VWA8: variants seen among roughly 807,000 people sequenced by gnomAD.
VWA8 encodes the protein von Willebrand factor A domain containing 8, also known as von Willebrand factor A domain-containing protein 8.
VWA8 carries 221 observed loss-of-function variants against 241.5 expected under a neutral mutation model. The observed-to-expected ratio is 0.91, with a 90% confidence interval of 0.82 to 1.02. The LOEUF is 1.02. Ranked by LOEUF, VWA8 falls within the 50% of genes least tolerant of loss-of-function variation. VWA8 has a pLI of 0.00. For missense variants in VWA8, 2,322 were observed against 2,328.7 expected (o/e 1.00, Z 0.06); for synonymous variants, 852 against 827.1 (o/e 1.03, Z -0.52).
chr13:41,856,959 A>C (rs1872780090), intron 12 of VWA8, among the ~76,000 whole-genome samples: 2 of 152,094 alleles, frequency 1.3e-5, no homozygotes, highest in South Asian at 4.1e-4. Flanking sequence ...AGAATAATAG[A>C]CAGGTGTTTT....
intron 20 of VWA8, among the ~76,000 whole-genome samples, chr13:41,776,954 AAAAG>A (rs1327434176): frequency 1.3e-5 from 2 of 152,190 alleles, no homozygotes; most frequent in South Asian, 4.1e-4. Context: ...ATAAATACAA[AAAAG>A]AAGAAAAAAT....
At chr13:41,717,955 T>G (rs1004936220) in intron 26 of VWA8, among the ~76,000 whole-genome samples, 4 of 152,096 alleles carry the variant, frequency 2.6e-5, no homozygotes, top group Non-Finnish European at 5.9e-5. Context: ...AGAGTTAGAA[T>G]TAACTTGCCA....
At chr13:41,687,281 G>A (rs1410938408) in intron 34 of VWA8, among the ~76,000 whole-genome samples, 2 of 152,028 alleles carry the variant, frequency 1.3e-5, no homozygotes, top group Non-Finnish European at 1.5e-5. Context: ...GTAACAGTGG[G>A]CAACCTTGTT....
intron 31 of VWA8, 66 bp from the exon 32 acceptor site, chr13:41,691,511 A>C: frequency 6.4e-7 from 1 of 1,568,604 alleles, no homozygotes; most frequent in Non-Finnish European, 8.7e-7. Flanking sequence ...ATCTGGCATA[A>C]TCATTTCATG....
chr13:41,605,165 T>A lies in VWA8; in HGVS notation c.4986+3A>T. 1 of 1,612,386 alleles carries A rather than the reference T, an allele frequency of 6.2e-7. No individual in the cohort carries two copies. Among genetic ancestry groups the A allele is most frequent in the Non-Finnish European group, 8.5e-7 (1 of 1,178,732 alleles). Reference sequence around the variant, plus strand: ...TTTTCTTGGTCCATAAGTAGAAGATTACCTGTAAATTATCCAGGATGATTC... The same window carrying A: ...TTTTCTTGGTCCATAAGTAGAAGATAACCTGTAAATTATCCAGGATGATTC... On this transcript the variant is annotated splice_donor_region_variant and intron_variant, in intron 40 of 44. Transcript: ENST00000379310.
intron 37 of VWA8, among the ~76,000 whole-genome samples, chr13:41,656,441 T>C (rs991395098): frequency 2.6e-5 from 4 of 152,174 alleles, no homozygotes; most frequent in Admixed American, 2.0e-4. Flanking sequence ...GCTCTTTTTC[T>C]TGGGGGGTAA....
At chr13:41,790,842 G>A (rs1167145663) in intron 17 of VWA8, among the ~76,000 whole-genome samples, 1 of 151,886 alleles carries the variant, frequency 6.6e-6, no homozygotes, top group Non-Finnish European at 1.5e-5. Context: ...TATAGGGTAT[G>A]AGGATGAGGT....
chr13:41,846,101 C>T (rs1415937300), intron 12 of VWA8, among the ~76,000 whole-genome samples: 1 of 149,910 alleles, frequency 6.7e-6, no homozygotes, highest in Non-Finnish European at 1.5e-5. Context: ...GCTAACTATT[C>T]ATAAGCACTA....
intron 39 of VWA8, among the ~76,000 whole-genome samples, chr13:41,610,341 TC>T (rs2044579334): frequency 6.6e-6 from 1 of 152,180 alleles, no homozygotes; most frequent in Admixed American, 6.5e-5. Context: ...TCTCATAACC[TC>T]CCTGGGAGAA....
intron 41 of VWA8, among the ~76,000 whole-genome samples, chr13:41,588,579 A>G (rs112189012): frequency 0.027 from 4,167 of 152,158 alleles, 78 homozygotes; most frequent in Admixed American, 0.059. Context: ...CAAATCAGCT[A>G]GGGTGGTGCT....
chr13:41,808,027 C>T (rs758824640), intron 17 of VWA8: 4 of 152,072 alleles, frequency 2.6e-5, no homozygotes, highest in African/African-American at 4.8e-5. Flanking sequence ...TATTCCATGT[C>T]AAATGAAACA....
At chr13:41,658,093 C>T (rs2044921759) in intron 37 of VWA8, among the ~76,000 whole-genome samples, 3 of 152,182 alleles carry the variant, frequency 2.0e-5, no homozygotes, top group African/African-American at 7.2e-5. Flanking sequence ...TAAGAGGCTA[C>T]TAAGCTATAC....
At position 41,689,490 on chromosome 13, in the gene VWA8, G is replaced by A; in HGVS notation, c.3995C>T (p.Pro1332Leu). Residue 1332 changes from proline (P) to leucine (L), a missense_variant, in exon 34 of 45, where the codon CCT (proline) becomes CTT (leucine). By Grantham distance (98) the Pro-to-Leu change is moderately conservative. Transcript: ENST00000379310. ...GVTQETEFSI[P>L]HKISSDQLSS... ...TAGTTGATCACTGGAAATTTTATGA[G>A]GTATGCTGAACTCTGTTTCTGAAAA... The A allele has an allele frequency of 2.5e-6, 4 of 1,609,562 alleles. No individual in the cohort carries two copies. Among genetic ancestry groups the A allele is most frequent in the Non-Finnish European group, 3.4e-6 (4 of 1,178,220 alleles).
chr13:41,811,396 C>G, intron 16 of VWA8, 56 bp from the exon 17 acceptor site: 15 of 1,403,566 alleles, frequency 1.1e-5, no homozygotes, highest in Non-Finnish European at 1.5e-5. Flanking sequence ...GCTAAAGTCC[C>G]TTTAGATGGA....
chr13:41,855,454 C>T (rs990370215), intron 12 of VWA8, among the ~76,000 whole-genome samples: 2 of 148,270 alleles, frequency 1.3e-5, no homozygotes, highest in African/African-American at 2.5e-5. Flanking sequence ...AAGAGAAATA[C>T]TGATATAAAC....
chr13:41,738,579 AGTTGT>A (rs2045543290), intron 21 of VWA8, among the ~76,000 whole-genome samples: 1 of 152,208 alleles, frequency 6.6e-6, no homozygotes, highest in Non-Finnish European at 1.5e-5. Context: ...AAATTTTCTA[AGTTGT>A]CCACTGTTTA....
chr13:41,914,687 C>A (rs570487641), intron 2 of VWA8, among the ~76,000 whole-genome samples: 31 of 152,266 alleles, frequency 2.0e-4, no homozygotes, highest in Non-Finnish European at 3.8e-4. Flanking sequence ...TTTACATTTT[C>A]ATAAATCTCA....
chr13:41,785,696 C>G (rs1326683250), intron 18 of VWA8, among the ~76,000 whole-genome samples: 1 of 152,094 alleles, frequency 6.6e-6, no homozygotes, highest in Non-Finnish European at 1.5e-5. Flanking sequence ...TTGCCATTTT[C>G]CTTTTGTTTA....
intron 2 of VWA8, among the ~76,000 whole-genome samples, chr13:41,941,828 A>C (rs1877616227): frequency 2.0e-5 from 3 of 152,216 alleles, no homozygotes; most frequent in African/African-American, 7.2e-5. Context: ...TATACAGTCA[A>C]GGAGGCTCAG....
Sources: gnomAD v4.1 joint callset for allele counts (sites outside exome capture counted in the v4.1 genomes callset) on GRCh38, gnomAD v4.1.1 for gene constraint, MANE v1.5 for transcripts, NCBI Gene and HGNC (gene_info 2026-07-23, HGNC 2026-07-21) for gene names.